CSMD1: variants seen among roughly 807,000 people sequenced by gnomAD.
CSMD1 encodes CUB and Sushi multiple domains 1, also known as CUB and sushi domain-containing protein 1.
In CSMD1, 213 loss-of-function variants were observed where a neutral mutation model predicts 417.5. The ratio of observed to expected loss-of-function variants is 0.51; its 90% CI spans 0.46 to 0.57. The LOEUF (loss-of-function observed/expected upper bound fraction) is 0.57. CSMD1 is among the 20% of genes least tolerant of loss of function. The probability of loss-of-function intolerance (pLI) is 0.00; values close to 1 mark genes in which losing one functional copy is unlikely to be tolerated. For missense variants in CSMD1, 6,923 were observed against 4,529.7 expected (o/e 1.53, Z -15.17); for synonymous variants, 2,862 against 1,736.8 (o/e 1.65, Z -16.11).
At chr8:4,290,346 C>G (rs938893191) in intron 3 of CSMD1, among the ~76,000 whole-genome samples, 1 of 152,146 alleles carries the variant, frequency 6.6e-6, no homozygotes, top group African/African-American at 2.4e-5. Context: ...CAGTAATGCT[C>G]TATGACATCT....
chr8:3,676,404 T>C (rs1203453368), intron 7 of CSMD1, among the ~76,000 whole-genome samples: 1 of 152,188 alleles, frequency 6.6e-6, no homozygotes, highest in African/African-American at 2.4e-5. Flanking sequence ...CCAAGCACCA[T>C]GCTGGACACG....
chr8:3,044,669 G>T (rs1315361239), intron 50 of CSMD1, among the ~76,000 whole-genome samples: 1 of 151,834 alleles, frequency 6.6e-6, no homozygotes, highest in Non-Finnish European at 1.5e-5. Flanking sequence ...CTGCCTCGGA[G>T]ATCTGCACCA....
At chr8:3,736,056 G>A (rs1029735547) in intron 6 of CSMD1, among the ~76,000 whole-genome samples, 7 of 152,000 alleles carry the variant, frequency 4.6e-5, no homozygotes, top group African/African-American at 1.7e-4. Flanking sequence ...ACCTAAAGCA[G>A]GTGTGAAGGA....
intron 5 of CSMD1, among the ~76,000 whole-genome samples, chr8:3,774,984 G>T (rs892155231): frequency 2.6e-5 from 4 of 152,022 alleles, no homozygotes; most frequent in Non-Finnish European, 5.9e-5. Flanking sequence ...ACTGGACACA[G>T]GGGCGATTCC....
intron 7 of CSMD1, among the ~76,000 whole-genome samples, chr8:3,642,879 G>T (rs1217623792): frequency 6.6e-6 from 1 of 151,484 alleles, no homozygotes; most frequent in East Asian, 1.9e-4. Flanking sequence ...CATATATATA[G>T]ATTATACATA....
intron 1 of CSMD1, among the ~76,000 whole-genome samples, chr8:4,889,116 A>G (rs768797325): frequency 6.6e-6 from 1 of 152,160 alleles, no homozygotes; most frequent in Non-Finnish European, 1.5e-5. Context: ...GCAATGTCCG[A>G]AAGTATCACT....
intron 5 of CSMD1, among the ~76,000 whole-genome samples, chr8:3,773,845 A>G (rs1798752103): frequency 6.6e-6 from 1 of 152,080 alleles, no homozygotes; most frequent in Admixed American, 6.6e-5. Flanking sequence ...TTTCCCCCAC[A>G]TTGTATTTAT....
intron 2 of CSMD1, among the ~76,000 whole-genome samples, chr8:4,530,911 G>A (rs1181028195): frequency 6.6e-6 from 1 of 151,902 alleles, no homozygotes; most frequent in Admixed American, 6.6e-5. Context: ...AACTACAGCT[G>A]AGCTTCGTTA....
At chr8:4,824,205 A>G (rs926244613) in intron 1 of CSMD1, among the ~76,000 whole-genome samples, 11 of 152,102 alleles carry the variant, frequency 7.2e-5, no homozygotes, top group African/African-American at 2.4e-4. Context: ...TTCTCTACCT[A>G]TAACATGTAA....
intron 62 of CSMD1, among the ~76,000 whole-genome samples, chr8:2,959,797 T>C (rs1872232): frequency 0.13 from 20,504 of 152,206 alleles, 1,408 homozygotes; most frequent in East Asian, 0.16. Context: ...CTTTAAAAAC[T>C]AAAATGTTCC....
At chr8:4,157,170 G>A (rs770971779) in intron 3 of CSMD1, among the ~76,000 whole-genome samples, 1 of 152,150 alleles carries the variant, frequency 6.6e-6, no homozygotes, top group Non-Finnish European at 1.5e-5. Flanking sequence ...ATCAGAAGAA[G>A]ATTTTGGGAC....
At chr8:3,460,544 G>C (rs137980737) in intron 12 of CSMD1, among the ~76,000 whole-genome samples, 1,824 of 152,150 alleles carry the variant, frequency 0.012, 39 homozygotes, top group African/African-American at 0.042. Flanking sequence ...GAGAAATGAA[G>C]TTTCGACCAC....
At chr8:3,927,953 C>G (rs771333356) in intron 5 of CSMD1, among the ~76,000 whole-genome samples, 9 of 151,994 alleles carry the variant, frequency 5.9e-5, no homozygotes, top group African/African-American at 2.2e-4. Context: ...CTGTTAATTT[C>G]TTAAGTTCAT....
chr8:4,723,745 G>C (rs1396697984), intron 1 of CSMD1, among the ~76,000 whole-genome samples: 1 of 146,482 alleles, frequency 6.8e-6, no homozygotes, highest in African/African-American at 2.6e-5. Flanking sequence ...TTTCATATGT[G>C]CTGTAAGAAT....
chr8:4,463,785 T>A (rs556745539), intron 2 of CSMD1, among the ~76,000 whole-genome samples: 114 of 151,202 alleles, frequency 7.5e-4, no homozygotes, highest in African/African-American at 2.7e-3. Flanking sequence ...GGATACTGGG[T>A]TTTTTGCATT....
At chr8:2,988,309 T>A (rs1206896325) in intron 54 of CSMD1, among the ~76,000 whole-genome samples, 1 of 152,060 alleles carries the variant, frequency 6.6e-6, no homozygotes, top group Non-Finnish European at 1.5e-5. Context: ...TCTGGACACA[T>A]GTTTTACATG....
At chr8:3,591,113 G>C (rs1268829416) in intron 8 of CSMD1, among the ~76,000 whole-genome samples, 2 of 152,144 alleles carry the variant, frequency 1.3e-5, no homozygotes, top group African/African-American at 4.8e-5. Flanking sequence ...TGAGACAATT[G>C]TTAGTAGTTA....
At chr8:3,360,168 A>C (rs532518872) in intron 20 of CSMD1, among the ~76,000 whole-genome samples, 1 of 152,368 alleles carries the variant, frequency 6.6e-6, no homozygotes, top group Admixed American at 6.5e-5. Context: ...TCTGTAAACC[A>C]TGTGAGATTG....
chr8:4,447,814 G>C (rs765523743), intron 2 of CSMD1, among the ~76,000 whole-genome samples: 7 of 152,146 alleles, frequency 4.6e-5, no homozygotes, highest in African/African-American at 9.7e-5. Flanking sequence ...CAACTAAGAA[G>C]TCACAACGTT....
Sources: gnomAD v4.1 joint callset for allele counts (sites outside exome capture counted in the v4.1 genomes callset) on GRCh38, gnomAD v4.1.1 for gene constraint, MANE v1.5 for transcripts, NCBI Gene and HGNC (gene_info 2026-07-23, HGNC 2026-07-21) for gene names.